The following NINL variants were observed in gnomAD, a reference collection of about 807,000 sequenced individuals.
NINL encodes ninein-like protein.
NINL carries 153 observed loss-of-function variants against 160.3 expected under a neutral mutation model. The observed-to-expected ratio is 0.95, with a 90% CI of 0.84 to 1.09. NINL has a LOEUF of 1.09. Ranked by LOEUF, NINL falls within the 50% of genes least tolerant of loss-of-function variation. The probability of loss-of-function intolerance (pLI) is 0.00; values close to 1 mark genes in which losing one functional copy is unlikely to be tolerated. For missense variants in NINL, 1,829 were observed against 1,764.0 expected (o/e 1.04, Z -0.66); for synonymous variants, 800 against 734.8 (o/e 1.09, Z -1.43).
chr20:25,533,615 C>T (rs961157075), intron 1 of NINL, among the ~76,000 whole-genome samples: 1 of 152,174 alleles, frequency 6.6e-6, no homozygotes, highest in African/African-American at 2.4e-5. Flanking sequence ...ATACAGACCC[C>T]AGAAATCAAC....
intron 1 of NINL, among the ~76,000 whole-genome samples, chr20:25,571,444 T>A (rs1469555890): frequency 6.6e-6 from 1 of 152,080 alleles, no homozygotes; most frequent in Non-Finnish European, 1.5e-5. Context: ...GAGAACTCAG[T>A]GCACACCTGC....
chr20:25,476,188 A>G lies in NINL; in HGVS notation c.3103T>C (p.Trp1035Arg), dbSNP rs777703631. Residue 1035 changes from tryptophan (W) to arginine (R), a missense_variant, in exon 17 of 24, where the codon TGG becomes CGG. Transcript: ENST00000278886. ...TCTGGGGCAGCAAGCTGCTCCTGCC[A>G]GGAACCCTGCGGGTCTGCGAGCTGG... The part of the protein sequence containing the change: ...HLQLADPQGS[W>R]QEQLAAPEEG... The G allele has an allele frequency of 1.9e-6, 3 of 1,614,076 alleles. No individual in the cohort carries two copies. The East Asian group carries it at 6.7e-5, about 36-fold the overall frequency.
At chr20:25,466,292 GA>G (rs1031061083) in intron 19 of NINL, among the ~76,000 whole-genome samples, 1 of 152,048 alleles carries the variant, frequency 6.6e-6, no homozygotes, top group Non-Finnish European at 1.5e-5. Context: ...AAAATGCAGG[GA>G]TTATAGGTAT....
intron 13 of NINL, 139 bp downstream of exon 13, chr20:25,489,105 G>A (rs995157445): frequency 2.4e-6 from 2 of 821,800 alleles, no homozygotes; most frequent in Middle Eastern, 2.3e-4. Context: ...GTCTAGGAGT[G>A]TGGCAAGGCC....
At chr20:25,551,404 G>T (rs1201483259) in intron 1 of NINL, among the ~76,000 whole-genome samples, 2 of 151,994 alleles carry the variant, frequency 1.3e-5, no homozygotes, top group Non-Finnish European at 2.9e-5. Context: ...GAAAAGAAAA[G>T]ATAGAAAAGA....
intron 7 of NINL, among the ~76,000 whole-genome samples, chr20:25,502,228 C>A (rs147227110): frequency 6.6e-6 from 1 of 151,764 alleles, no homozygotes; most frequent in Admixed American, 6.6e-5. Context: ...ATGATCCGCC[C>A]GCCTTGGCCT....
chr20:25,465,361 C>G (rs2062886245), intron 19 of NINL, among the ~76,000 whole-genome samples: 1 of 152,200 alleles, frequency 6.6e-6, no homozygotes, highest in Non-Finnish European at 1.5e-5. Flanking sequence ...ACATCCTCTT[C>G]TGAAATGTGA....
intron 1 of NINL, among the ~76,000 whole-genome samples, chr20:25,565,984 C>T (rs1600354204): frequency 1.3e-5 from 2 of 152,174 alleles, no homozygotes; most frequent in South Asian, 4.1e-4. Flanking sequence ...CATTGGTTTC[C>T]CTGGCTCTGA....
chr20:25,490,036 T>C lies in NINL; in HGVS notation c.1486-51A>G, dbSNP rs777640322. The C allele has an allele frequency of 1.5e-5, 22 of 1,495,538 alleles. No individual in the cohort carries two copies. In the South Asian group the frequency reaches 2.4e-4, roughly 16 times the overall value. The allele number at this position is 1,495,538 out of a possible 1,614,324, so 92.6% of individuals were successfully genotyped here. On this transcript the variant is annotated intron_variant, in intron 11 of 23. Coordinates refer to ENST00000278886, the MANE Select transcript of NINL (RefSeq NM_025176.6). The stretch of plus-strand genomic sequence containing the variant: ...TCAGGCTCCTGCAGGACGGAGGGGA[T>C]GTGTGCAGGATGGAGGTGAGAGGCT...
intron 1 of NINL, among the ~76,000 whole-genome samples, chr20:25,546,651 C>T (rs1182977003): frequency 6.6e-6 from 1 of 151,976 alleles, no homozygotes; most frequent in Non-Finnish European, 1.5e-5. Context: ...CTGAAACAAC[C>T]TACCCTACCC....
At chr20:25,524,452 A>G (rs976691343) in intron 2 of NINL, among the ~76,000 whole-genome samples, 3 of 152,200 alleles carry the variant, frequency 2.0e-5, no homozygotes, top group Non-Finnish European at 4.4e-5. Context: ...CTGGACACGC[A>G]TGGCTATCCC....
chr20:25,523,292 C>T (rs1000895597), intron 2 of NINL, among the ~76,000 whole-genome samples: 4 of 151,842 alleles, frequency 2.6e-5, no homozygotes, highest in African/African-American at 7.3e-5. Flanking sequence ...CATGCTGTTG[C>T]CCAGGCTGGA....
intron 9 of NINL, among the ~76,000 whole-genome samples, chr20:25,497,413 G>A (rs908473407): frequency 6.6e-5 from 10 of 152,220 alleles, no homozygotes; most frequent in African/African-American, 2.4e-4. Context: ...GGCCAGGGGA[G>A]GGACCTGGGC....
intron 1 of NINL, among the ~76,000 whole-genome samples, chr20:25,547,221 T>C (rs902471377): frequency 5.3e-5 from 8 of 152,134 alleles, no homozygotes; most frequent in Non-Finnish European, 7.4e-5. Context: ...GGTTACCAGA[T>C]GGACCAACCC....
At chr20:25,561,367 G>A (rs187890439) in intron 1 of NINL, among the ~76,000 whole-genome samples, 1 of 152,298 alleles carries the variant, frequency 6.6e-6, no homozygotes, top group African/African-American at 2.4e-5. Context: ...GGAGTGCAGT[G>A]GTGTGATCTC....
intron 1 of NINL, among the ~76,000 whole-genome samples, chr20:25,529,612 A>G (rs1009704345): frequency 1.3e-5 from 2 of 150,920 alleles, no homozygotes; most frequent in Non-Finnish European, 2.9e-5. Flanking sequence ...ATGGACAGAA[A>G]ACCATAAACA....
chr20:25,535,165 A>G (rs776411826), intron 1 of NINL, among the ~76,000 whole-genome samples: 3 of 152,196 alleles, frequency 2.0e-5, no homozygotes, highest in Non-Finnish European at 1.5e-5. Flanking sequence ...TAAGGCCGGC[A>G]TAGAGAGACA....
intron 2 of NINL, 143 bp from the exon 3 acceptor site, chr20:25,517,992 A>C: frequency 1.9e-6 from 1 of 537,104 alleles, no homozygotes; most frequent in Non-Finnish European, 3.2e-6. Context: ...TCAAATATTT[A>C]CTTAAGATTT....
intron 17 of NINL, among the ~76,000 whole-genome samples, chr20:25,470,553 G>A (rs1310518033): frequency 6.6e-6 from 1 of 152,198 alleles, no homozygotes; most frequent in Non-Finnish European, 1.5e-5. Context: ...TCTGCTAGGT[G>A]AATCTCAAAG....
Sources: allele counts gnomAD v4.1 joint callset (sites outside exome capture counted in the v4.1 genomes callset), GRCh38; gene constraint gnomAD v4.1.1; transcripts MANE v1.5; gene names NCBI Gene and HGNC (gene_info 2026-07-23, HGNC 2026-07-21).